Variants in TMOD4 observed in about 807,000 individuals in gnomAD.
TMOD4 encodes tropomodulin-4.
A neutral mutation model predicts 45.4 loss-of-function variants in TMOD4; 34 were observed. That is an observed-to-expected ratio of 0.75 (90% CI 0.57 to 1.00). TMOD4 has a LOEUF of 1.00. Among genes scored for constraint, TMOD4 ranks in the 50% least tolerant of loss-of-function variants. TMOD4 has a pLI of 0.00. For synonymous variants in TMOD4, 131 were observed against 153.9 expected, an observed-to-expected ratio of 0.85 and a Z score of 1.10; for missense variants, 399 against 437.5, an observed-to-expected ratio of 0.91 and a Z score of 0.78.
In TMOD4 at chr1:151,171,731, G is replaced by A. The variant is rs765046154; in HGVS notation, c.520C>T (p.Pro174Ser). The A allele has an allele frequency of 1.2e-6, 2 of 1,614,056 alleles. No homozygotes were observed. Among genetic ancestry groups the A allele is most frequent in the East Asian group, 4.5e-5 (2 of 44,882 alleles). Residue 174 changes from proline to serine, a missense_variant, in exon 6 of 10, where the codon CCG becomes TCG. Physicochemically the swap from Pro to Ser is moderately conservative, Grantham distance 74 (BLOSUM62 -1). Coordinates refer to ENST00000295314, the MANE Select transcript of TMOD4 (RefSeq NM_013353.3). ...TTTGTGGGATTTGGGGGTTCATCCGGCACTGGCTTATACTTGTCAGGCTGT... is the reference window on the plus strand; with the variant it reads ...TTTGTGGGATTTGGGGGTTCATCCGACACTGGCTTATACTTGTCAGGCTGT... Reference protein sequence around the residue: ...VVQPDKYKPVPDEPPNPTNIE... With the variant: ...VVQPDKYKPVSDEPPNPTNIE...
Position 151,170,525 on chromosome 1 carries a change from C to T in TMOD4, c.1009G>A (p.Glu337Lys), listed in dbSNP as rs746389860. ...CATGTCTGCAGTTACTCACGTAGTTCATTGTTTCGGGTCATGGCCTGGGCT... is the reference window on the plus strand; with the variant it reads ...CATGTCTGCAGTTACTCACGTAGTTTATTGTTTCGGGTCATGGCCTGGGCT... ...RAAQAMTRNN[E>K]LRRQQKKR Residue 337 changes from glutamate (E) to lysine (K), a missense_variant, in exon 9 of 10, where the codon GAA (glutamate) becomes AAA (lysine). Coordinates refer to ENST00000295314, the MANE Select transcript of TMOD4 (RefSeq NM_013353.3). The T allele has an allele frequency of 7.4e-6, 12 of 1,614,072 alleles. No homozygotes were observed. Among genetic ancestry groups the T allele is most frequent in the Non-Finnish European group, 9.3e-6 (11 of 1,180,042 alleles).
rs587681793 is a variant in TMOD4, at chr1:151,173,945, G to T, written c.281-330C>A. Among the ~76,000 whole-genome samples the T allele has an allele frequency of 8.5e-5, 13 of 152,218 alleles. No individual in the cohort carries two copies. In the South Asian group the frequency reaches 1.7e-3, roughly 19 times the overall value. On this transcript the variant is annotated intron_variant, in intron 3 of 9. Transcript: ENST00000295314. ...TACAAAAAATTAGCGGCCGGGCACG[G>T]TGGCTCATGCCTGTAATCCCAGCAC... is the stretch of plus-strand genomic sequence containing the variant.
In TMOD4 at chr1:151,172,314, A is replaced by C; in HGVS notation, c.441T>G (p.Tyr147Ter). Reference protein sequence around the residue: ...MYTLMSNKQYYDALCSGEICN... With the variant: ...MYTLMSNKQY ...AGATTTCTCCACTGCAGAGGGCATC[A>C]TAGTATTGCTTGTTACTCATCAGTG... Residue 147 changes from tyrosine to a stop codon, truncating the protein, a stop_gained, in exon 5 of 10, where the codon TAT (tyrosine) becomes TAG (stop). Coordinates refer to ENST00000295314, the MANE Select transcript of TMOD4 (RefSeq NM_013353.3). LOFTEE classifies it high-confidence loss of function. 6.2e-7 allele frequency: 1 copy of C among 1,613,880 alleles called. No homozygotes were observed. The highest frequency in any genetic ancestry group is 8.5e-7 in the Non-Finnish European group (1 of 1,179,848).
chr1:151,172,845 G>A (rs112988849), intron 4 of TMOD4, among the ~76,000 whole-genome samples: 133 of 152,086 alleles, frequency 8.7e-4, no homozygotes, highest in Middle Eastern at 3.4e-3. Context: ...TTTTTGAGAC[G>A]GAGTCTCGCT....
intron 5 of TMOD4, 136 bp from the exon 6 acceptor site, chr1:151,171,899 C>T (rs970414966): frequency 1.1e-5 from 13 of 1,188,158 alleles, no homozygotes; most frequent in Non-Finnish European, 1.3e-5. Context: ...TGCAGTGGCA[C>T]AATCTCAACT....
chr1:151,172,364 A>G lies in TMOD4; in HGVS notation c.398-7T>C, dbSNP rs773026580. On this transcript the variant is annotated splice_polypyrimidine_tract_variant and splice_region_variant and intron_variant, in intron 4 of 9. Coordinates refer to ENST00000295314, the MANE Select transcript of TMOD4 (RefSeq NM_013353.3). ...GTGTACATGTCCAGAATTGCTGGAG[A>G]GGGTAAGAAGAGGAGTCACAGGGAA... 6.2e-7 allele frequency: 1 copy of G among 1,609,954 alleles called. No homozygotes were observed. The highest frequency in any genetic ancestry group is 2.2e-5 in the East Asian group (1 of 44,826).
chr1:151,174,375 G>A lies in TMOD4; in HGVS notation c.280+16C>T. On this transcript the variant is annotated intron_variant, in intron 3 of 9. Coordinates refer to ENST00000295314, the MANE Select transcript of TMOD4 (RefSeq NM_013353.3). ...CACTTGGGTTCTACGAGGCATGGAT[G>A]TCAGGGTCCCCATACCCTTCTTCTC... 1.2e-6 allele frequency: 2 copies of A among 1,611,810 alleles called. No homozygotes were observed. Among genetic ancestry groups the A allele is most frequent in the Non-Finnish European group, 1.7e-6 (2 of 1,178,250 alleles).
chr1:151,175,709 C>T (rs587607844), intron 1 of TMOD4: 1 of 152,330 alleles, frequency 6.6e-6, no homozygotes, highest in East Asian at 1.9e-4. Flanking sequence ...GCTATGCATA[C>T]ACACCATGCT....
intron 5 of TMOD4, among the ~76,000 whole-genome samples, chr1:151,171,982 C>A (rs973518129): frequency 6.6e-6 from 1 of 151,894 alleles, no homozygotes; most frequent in African/African-American, 2.4e-5. Flanking sequence ...TCTGGGATTA[C>A]AGGCATGCAA....
intron 1 of TMOD4, 71 bp downstream of exon 1, chr1:151,175,853 A>G (rs1046816498): frequency 4.6e-5 from 7 of 152,280 alleles, no homozygotes; most frequent in African/African-American, 9.6e-5. Context: ...ATCATTCCCC[A>G]TAGGAGCCAC....
chr1:151,171,550 G>C lies in TMOD4; in HGVS notation c.619-10C>G, dbSNP rs752407659. On this transcript the variant is annotated splice_polypyrimidine_tract_variant and intron_variant, in intron 6 of 9. Transcript: ENST00000295314. ...TGGGTATTGGGATGTCCTATCGGAG[G>C]GGAATAGGAGATGGTGGGCTAAGGG... is the stretch of plus-strand genomic sequence containing the variant. The C allele has an allele frequency of 9.3e-6, 15 of 1,613,816 alleles. No homozygotes were observed.
chr1:151,172,820 GTTTTT>G (rs947898451), intron 4 of TMOD4, among the ~76,000 whole-genome samples: 1 of 151,890 alleles, frequency 6.6e-6, no homozygotes, highest in African/African-American at 2.4e-5. Context: ...TGTTGTTTTT[GTTTTT>G]GTTTTTTGTT....
At position 151,171,461 on chromosome 1, in the gene TMOD4, G is replaced by T; in HGVS notation, c.698C>A (p.Ala233Asp). ...GGCAATGGGGTCACCACTCCTCGTG[G>T]CTACCAGACTGAAGCTCCGCACATA... The part of the protein sequence containing the change: ...NTYVRSFSLV[A>D]TRSGDPIANA... The change falls in exon 7 of 10, where the codon GCC (alanine) becomes GAC (aspartate). Residue 233 changes from alanine (A) to aspartate (D), a missense_variant. Coordinates refer to ENST00000295314, the MANE Select transcript of TMOD4 (RefSeq NM_013353.3). The T allele has an allele frequency of 6.2e-7, 1 of 1,614,180 alleles. No homozygotes were observed. The highest frequency in any genetic ancestry group is 1.3e-5 in the African/African-American group (1 of 75,034).
At chr1:151,171,316 G>T in intron 7 of TMOD4, 117 bp downstream of exon 7, 1 of 984,988 alleles carries the variant, frequency 1.0e-6, no homozygotes, top group Non-Finnish European at 1.6e-6. Flanking sequence ...TCTCCATGAG[G>T]GCTGCCCTAA....
chr1:151,171,524 A>G lies in TMOD4; in HGVS notation c.635T>C (p.Met212Thr), dbSNP rs1264760202. ...CATTGCCTCACACAGCTCACTTAGC[A>G]TGGGTATTGGGATGTCCTATCGGAG... is the stretch of plus-strand genomic sequence containing the variant. ...LNNIQDIPIP[M>T]LSELCEAMKA... Residue 212 changes from methionine (M) to threonine (T), a missense_variant, in exon 7 of 10, where the codon ATG becomes ACG. Physicochemically the swap from Met to Thr is moderately conservative, Grantham distance 81. Transcript: ENST00000295314. 1.2e-5 allele frequency: 19 copies of G among 1,614,006 alleles called. No homozygotes were observed. Among genetic ancestry groups the G allele is most frequent in the Non-Finnish European group, 1.6e-5 (19 of 1,180,040 alleles).
chr1:151,174,211 G>A (rs1446344639), intron 3 of TMOD4, among the ~76,000 whole-genome samples, 180 bp downstream of exon 3: 5 of 151,728 alleles, frequency 3.3e-5, no homozygotes, highest in African/African-American at 4.8e-5. Context: ...GTGAGACTCC[G>A]TCTCAAACAA....
intron 1 of TMOD4, 54 bp from the exon 2 acceptor site, chr1:151,174,971 C>G (rs1307409383): frequency 1.1e-5 from 16 of 1,492,978 alleles, no homozygotes; most frequent in Non-Finnish European, 1.5e-5. Flanking sequence ...AGGGACACAG[C>G]AGGGACACAA....
At chr1:151,170,136 G>A (rs1683901937) in intron 9 of TMOD4, 33 bp from the exon 10 acceptor site, 1 of 1,613,840 alleles carries the variant, frequency 6.2e-7, no homozygotes. Flanking sequence ...ATAAGTGTTT[G>A]TTCCAGCTCC....
chr1:151,172,271 T>C lies in TMOD4; in HGVS notation c.484A>G (p.Ser162Gly), dbSNP rs780779443. 3 of 1,612,552 alleles carry C rather than the reference T, an allele frequency of 1.9e-6. No individual in the cohort carries two copies. The highest frequency in any genetic ancestry group is 2.7e-5 in the African/African-American group (2 of 74,898). ...CATGCTCCCCAAACACACTCACTGCTAATGCCTTCAGTGTTGCAGATTTCT... is the reference window on the plus strand; with the variant it reads ...CATGCTCCCCAAACACACTCACTGCCAATGCCTTCAGTGTTGCAGATTTCT... ...SGEICNTEGI[S>G]SVVQPDKYKP... Residue 162 changes from serine to glycine, a missense_variant, in exon 5 of 10, where the codon AGC becomes GGC. Ser to Gly is a moderately conservative substitution (Grantham distance 56). Coordinates refer to ENST00000295314, the MANE Select transcript of TMOD4 (RefSeq NM_013353.3).
Sources: gnomAD v4.1 joint callset for allele counts (sites outside exome capture counted in the v4.1 genomes callset) on GRCh38, gnomAD v4.1.1 for gene constraint, MANE v1.5 for transcripts, NCBI Gene and HGNC (gene_info 2026-07-23, HGNC 2026-07-21) for gene names.